Variants in PREX2 observed in about 807,000 individuals in gnomAD.
PREX2 encodes the protein phosphatidylinositol-3,4,5-trisphosphate dependent Rac exchange factor 2.
A neutral mutation model predicts 203.2 loss-of-function variants in PREX2; 107 were observed. The observed-to-expected ratio is 0.53, with a 90% confidence interval of 0.45 to 0.62. PREX2 has a LOEUF of 0.62. PREX2 is among the 20% of genes least tolerant of loss of function. PREX2 has a pLI of 0.00. For missense variants in PREX2, 1,777 were observed against 1,955.9 expected, an observed-to-expected ratio of 0.91 and a Z score of 1.72; for synonymous variants, 672 against 663.6, an observed-to-expected ratio of 1.01 and a Z score of -0.19.
chr8:68,217,844 A>C, intron 38 of PREX2, 126 bp downstream of exon 38: 1 of 548,148 alleles, frequency 1.8e-6, no homozygotes, highest in Non-Finnish European at 2.9e-6. Flanking sequence ...CTCAGAGGTA[A>C]CTCATGAATG....
intron 33 of PREX2, among the ~76,000 whole-genome samples, chr8:68,141,296 T>A (rs972833944): frequency 6.6e-6 from 1 of 152,178 alleles, no homozygotes; most frequent in Non-Finnish European, 1.5e-5. Flanking sequence ...CATTTTATAG[T>A]AGTTCATTAT....
Position 68,127,424 on chromosome 8 carries a change from C to T in PREX2, c.3766+5C>T. ...TGGCTCTTCTTGAATATTCAGGTAACATTTTGCATTTTATTTTTTTTTACT... is the reference window on the plus strand; with the variant it reads ...TGGCTCTTCTTGAATATTCAGGTAATATTTTGCATTTTATTTTTTTTTACT... On this transcript the variant is annotated splice_donor_5th_base_variant and intron_variant, in intron 31 of 39. Coordinates refer to ENST00000288368, the MANE Select transcript of PREX2 (RefSeq NM_024870.4). 6.2e-7 allele frequency: 1 copy of T among 1,600,312 alleles called. No individual in the cohort carries two copies. Among genetic ancestry groups the T allele is most frequent in the South Asian group, 1.1e-5 (1 of 90,332 alleles).
Position 68,087,835 on chromosome 8 carries a change from C to T in PREX2, c.2113+26C>T, listed in dbSNP as rs765867812. ...GTAGGAAATTCGTCTTGCAGGGAAA[C>T]AGCTTTCCAGCAGGTTTGGGATGTG... On this transcript the variant is annotated intron_variant, in intron 19 of 39. Coordinates refer to ENST00000288368, the MANE Select transcript of PREX2 (RefSeq NM_024870.4). The T allele has an allele frequency of 1.9e-5, 29 of 1,498,304 alleles. No homozygotes were observed. In the Admixed American group the frequency reaches 4.5e-4, roughly 23 times the overall value. 92.8% of individuals were successfully genotyped at this position (1,498,304 alleles called of 1,614,324 possible).
intron 10 of PREX2, among the ~76,000 whole-genome samples, chr8:68,060,136 G>C (rs1808804134): frequency 6.6e-6 from 1 of 152,170 alleles, no homozygotes; most frequent in Non-Finnish European, 1.5e-5. Context: ...TGGTGTGGTG[G>C]GAGGGCAGTG....
At chr8:68,166,852 G>A (rs1811771426) in intron 35 of PREX2, among the ~76,000 whole-genome samples, 1 of 151,978 alleles carries the variant, frequency 6.6e-6, no homozygotes, top group Non-Finnish European at 1.5e-5. Flanking sequence ...TCCAGAGGCT[G>A]AGGTGGGTGG....
chr8:68,034,010 A>G (rs540207853), intron 6 of PREX2, among the ~76,000 whole-genome samples: 232 of 152,266 alleles, frequency 1.5e-3, no homozygotes, highest in African/African-American at 5.3e-3. Flanking sequence ...ACTACGTGCT[A>G]TTATATCCAC....
At chr8:68,127,324 GTA>G (rs772381413) in intron 30 of PREX2, 52 bp from the exon 31 acceptor site, 319 of 1,341,282 alleles carry the variant, frequency 2.4e-4, no homozygotes, top group Admixed American at 1.2e-3. Flanking sequence ...TTAAAATATG[GTA>G]TTTGTGACAG....
chr8:68,235,562 T>A lies in PREX2; in HGVS notation c.*4184T>A, dbSNP rs2129615774. The A allele has an allele frequency of 6.6e-6, 1 of 152,292 alleles. No homozygotes were observed. The highest frequency in any genetic ancestry group is 1.5e-5 in the Non-Finnish European group (1 of 68,008). The allele number at this position is 152,292 out of a possible 1,614,324, so 9.4% of individuals were successfully genotyped here. The stretch of plus-strand genomic sequence containing the variant: ...TGAATTTTGATTGAGAAAAATAATC[T>A]GTCTTCTATCGAATGTTTGAACTTT... On this transcript the variant is annotated 3_prime_UTR_variant, in exon 40 of 40. Transcript: ENST00000288368.
At chr8:68,149,969 A>G (rs1811401540) in intron 34 of PREX2, among the ~76,000 whole-genome samples, 1 of 152,224 alleles carries the variant, frequency 6.6e-6, no homozygotes, top group African/African-American at 2.4e-5. Flanking sequence ...TCCAGGAACA[A>G]TATAAAATAT....
At chr8:68,027,358 T>A in intron 5 of PREX2, 35 bp downstream of exon 5, 1 of 1,251,894 alleles carries the variant, frequency 8.0e-7, no homozygotes. Context: ...AGCCATTTTC[T>A]TGTATCTACA....
At chr8:68,187,010 A>G (rs949304867) in intron 35 of PREX2, among the ~76,000 whole-genome samples, 1 of 151,826 alleles carries the variant, frequency 6.6e-6, no homozygotes, top group Admixed American at 6.6e-5. Flanking sequence ...ACAGCTCTTA[A>G]CTGGCTGAAT....
In PREX2 at chr8:67,952,359, C is replaced by G. The variant is rs767171434; in HGVS notation, c.-36C>G. On this transcript the variant is annotated 5_prime_UTR_variant, in exon 1 of 40. Coordinates refer to ENST00000288368, the MANE Select transcript of PREX2 (RefSeq NM_024870.4). ...CGGGCGCGCGGGTCAGCGCTCAGCACGGCGGGCAGCGCCGCGCTGCGCACC... is the reference window on the plus strand; with the variant it reads ...CGGGCGCGCGGGTCAGCGCTCAGCAGGGCGGGCAGCGCCGCGCTGCGCACC... 13 of 1,485,998 alleles carry G rather than the reference C, an allele frequency of 8.7e-6. No individual in the cohort carries two copies. The South Asian group carries it at 1.7e-4, about 19-fold the overall frequency. The allele number at this position is 1,485,998 out of a possible 1,614,324, so 92.1% of individuals were successfully genotyped here.
At chr8:68,014,654 A>G (rs1807362443) in intron 1 of PREX2, among the ~76,000 whole-genome samples, 1 of 152,218 alleles carries the variant, frequency 6.6e-6, no homozygotes, top group Non-Finnish European at 1.5e-5. Flanking sequence ...AGGGTGTTGT[A>G]TAGAAACAAC....
chr8:67,953,542 C>G (rs1030573869), intron 1 of PREX2, among the ~76,000 whole-genome samples: 1 of 152,158 alleles, frequency 6.6e-6, no homozygotes, highest in African/African-American at 2.4e-5. Context: ...CCTTCTCCTT[C>G]CAACAACCAA....
chr8:67,954,979 C>T (rs1465186475), intron 1 of PREX2, among the ~76,000 whole-genome samples: 3 of 151,690 alleles, frequency 2.0e-5, no homozygotes, highest in Non-Finnish European at 2.9e-5. Context: ...CCCGTCTCTA[C>T]TAAAAATACA....
At chr8:68,073,895 A>G (rs144246359) in intron 14 of PREX2, among the ~76,000 whole-genome samples, 1 of 152,132 alleles carries the variant, frequency 6.6e-6, no homozygotes, top group African/African-American at 2.4e-5. Context: ...TCAGGTATCA[A>G]CTTTTTTTTT....
chr8:67,981,015 G>T (rs1806253463), intron 1 of PREX2, among the ~76,000 whole-genome samples: 1 of 152,212 alleles, frequency 6.6e-6, no homozygotes, highest in African/African-American at 2.4e-5. Context: ...GGGGCAATTG[G>T]ATGGAATAGC....
In PREX2 at chr8:67,952,153, C is replaced by G; in HGVS notation, c.-242C>G. The stretch of plus-strand genomic sequence containing the variant: ...CGGGGCCGGGCGCGCAGGGCCTGGC[C>G]GGAGCCCCCACTCCCAGGAGTTTCC... On this transcript the variant is annotated 5_prime_UTR_variant, in exon 1 of 40. Coordinates refer to ENST00000288368, the MANE Select transcript of PREX2 (RefSeq NM_024870.4). 2.9e-6 allele frequency: 1 copy of G among 347,426 alleles called. No individual in the cohort carries two copies. Among genetic ancestry groups the G allele is most frequent in the Non-Finnish European group, 5.1e-6 (1 of 197,030 alleles). The allele number at this position is 347,426 out of a possible 1,614,324, so 21.5% of individuals were successfully genotyped here. A position where few individuals can be genotyped will look rare whatever the true frequency, so the allele number is the denominator to read the frequency against.
intron 33 of PREX2, among the ~76,000 whole-genome samples, chr8:68,140,723 G>A (rs1811212677): frequency 6.6e-6 from 1 of 152,146 alleles, no homozygotes; most frequent in Non-Finnish European, 1.5e-5. Flanking sequence ...CTAACTCACA[G>A]GGTTGAGGGA....
Sources: allele counts gnomAD v4.1 joint callset (sites outside exome capture counted in the v4.1 genomes callset), GRCh38; gene constraint gnomAD v4.1.1; transcripts MANE v1.5; gene names NCBI Gene and HGNC (gene_info 2026-07-23, HGNC 2026-07-21).